The following ADAMTSL1 variants were observed in gnomAD, a reference collection of about 807,000 sequenced individuals.
The protein encoded by ADAMTSL1 is ADAMTS like 1.
A neutral mutation model predicts 201.8 loss-of-function variants in ADAMTSL1; 126 were observed. The ratio of observed to expected loss-of-function variants is 0.62; its 90% CI spans 0.54 to 0.72. The LOEUF is 0.72. ADAMTSL1 is among the 30% of genes least tolerant of loss of function. The probability of loss-of-function intolerance (pLI) is 0.00; values close to 1 mark genes in which losing one functional copy is unlikely to be tolerated. For synonymous variants in ADAMTSL1, 1,121 were observed against 903.4 expected, an observed-to-expected ratio of 1.24 and a Z score of -4.32; for missense variants, 2,679 against 2,277.8, an observed-to-expected ratio of 1.18 and a Z score of -3.59.
chr9:18,408,448 G>A (rs1357594878), intron 2 of ADAMTSL1, among the ~76,000 whole-genome samples: 1 of 152,000 alleles, frequency 6.6e-6, no homozygotes, highest in African/African-American at 2.4e-5. Context: ...TCCAGCCTGG[G>A]TGATAGAGTG....
intron 2 of ADAMTSL1, among the ~76,000 whole-genome samples, chr9:18,280,628 A>C (rs944735894): frequency 1.3e-5 from 2 of 152,100 alleles, no homozygotes; most frequent in African/African-American, 4.8e-5. Context: ...AGTTTTGTAC[A>C]TTATTTGTCA....
chr9:18,319,140 G>C (rs890775801), intron 2 of ADAMTSL1, among the ~76,000 whole-genome samples: 1 of 152,116 alleles, frequency 6.6e-6, no homozygotes, highest in African/African-American at 2.4e-5. Context: ...GAGCCCAGGA[G>C]TTCAAAGCTG....
Position 18,159,788 on chromosome 9 carries a change from G to A in ADAMTSL1, c.88-4074G>A, listed in dbSNP as rs145258654. Among the ~76,000 whole-genome samples the A allele has an allele frequency of 2.6e-3, 402 of 152,144 alleles. 3 individuals carry two copies. The highest frequency in any genetic ancestry group is 9.2e-3 in the African/African-American group (381 of 41,530). ...GTCAGGTCAGTCAAGAGAATGGTTG[G>A]TGCCAGGTTATGAACGAAGTGAGTG... is the stretch of plus-strand genomic sequence containing the variant. On this transcript the variant is annotated intron_variant, in intron 1 of 29. Coordinates refer to the ADAMTSL1 transcript ENST00000680146.
At chr9:18,180,821 T>C (rs1483782595) in intron 2 of ADAMTSL1, among the ~76,000 whole-genome samples, 1 of 152,156 alleles carries the variant, frequency 6.6e-6, no homozygotes, top group Non-Finnish European at 1.5e-5. Context: ...AGAGCCCGCA[T>C]CGCCAAGTCA....
intron 2 of ADAMTSL1, among the ~76,000 whole-genome samples, chr9:18,258,989 C>G (rs374465646): frequency 6.6e-6 from 1 of 152,294 alleles, no homozygotes; most frequent in East Asian, 1.9e-4. Flanking sequence ...ACGCACTTGA[C>G]GACTCCCTTC....
At chr9:18,792,809 C>T (rs191075894) in intron 19 of ADAMTSL1, among the ~76,000 whole-genome samples, 3 of 152,272 alleles carry the variant, frequency 2.0e-5, no homozygotes, top group Admixed American at 1.3e-4. Context: ...AACAGTCATA[C>T]TATGATCTAA....
intron 1 of ADAMTSL1, among the ~76,000 whole-genome samples, chr9:18,042,708 A>T (rs554822435): frequency 6.6e-6 from 1 of 152,214 alleles, no homozygotes; most frequent in African/African-American, 2.4e-5. Flanking sequence ...ATGGAAAGTT[A>T]TATTTTGTGG....
At position 17,975,853 on chromosome 9, in the gene ADAMTSL1, A is replaced by G. The variant is rs530216848; in HGVS notation, c.87+68931A>G. On this transcript the variant is annotated intron_variant, in intron 1 of 29. Coordinates refer to the ADAMTSL1 transcript ENST00000680146. ...TTTCTTCTTGGTGTTTTATGATTTCAGTTCTGATATTTAACTGTTTATCTA... is the reference window on the plus strand; with the variant it reads ...TTTCTTCTTGGTGTTTTATGATTTCGGTTCTGATATTTAACTGTTTATCTA... Among the ~76,000 whole-genome samples, 5 of 152,126 alleles carry G rather than the reference A, an allele frequency of 3.3e-5. No individual in the cohort carries two copies. The East Asian group carries it at 9.7e-4, about 29-fold the overall frequency.
intron 2 of ADAMTSL1, among the ~76,000 whole-genome samples, chr9:18,229,853 G>A (rs550070555): frequency 3.3e-5 from 5 of 151,976 alleles, no homozygotes; most frequent in Non-Finnish European, 5.9e-5. Flanking sequence ...CCACCAACAT[G>A]CCCGGCTAAT....
intron 1 of ADAMTSL1, among the ~76,000 whole-genome samples, chr9:17,928,236 C>T (rs1457760088): frequency 6.6e-6 from 1 of 151,986 alleles, no homozygotes; most frequent in African/African-American, 2.4e-5. Context: ...CTGCTTCAAG[C>T]GATCTACCTG....
intron 2 of ADAMTSL1, among the ~76,000 whole-genome samples, chr9:18,298,985 C>G (rs139802933): frequency 0.03 from 4,488 of 148,522 alleles, 238 homozygotes; most frequent in African/African-American, 0.11. Flanking sequence ...GCACTCCAGC[C>G]TGGGCGACAG....
chr9:18,681,936 C>G lies in ADAMTSL1; in HGVS notation c.1466C>G (p.Pro489Arg). Residue 489 changes from proline (P) to arginine (R), a missense_variant, in exon 12 of 29, where the codon CCC becomes CGC. Physicochemically the swap from Pro to Arg is moderately radical, Grantham distance 103. Transcript: ENST00000380548. ...CACATAAAAGAGGAATGCATCGTAC[C>G]CACTCCCTGCTATAAACCCAAAGGT... is the stretch of plus-strand genomic sequence containing the variant. The part of the protein sequence containing the change: ...KPHIKEECIV[P>R]TPCYKPKEKL... 1.2e-6 allele frequency: 2 copies of G among 1,614,082 alleles called. No individual in the cohort carries two copies. Among genetic ancestry groups the G allele is most frequent in the Non-Finnish European group, 1.7e-6 (2 of 1,179,986 alleles).
chr9:18,819,730 A>G (rs915430164), intron 21 of ADAMTSL1, among the ~76,000 whole-genome samples: 1 of 152,128 alleles, frequency 6.6e-6, no homozygotes, highest in Non-Finnish European at 1.5e-5. Context: ...TATCCATAAA[A>G]CCATCTGTAT....
intron 2 of ADAMTSL1, among the ~76,000 whole-genome samples, chr9:18,203,956 T>C (rs539779300): frequency 6.6e-6 from 1 of 152,166 alleles, no homozygotes; most frequent in African/African-American, 2.4e-5. Flanking sequence ...GAAACACAGG[T>C]AATTTACTGG....
chr9:18,840,298 T>C (rs1440875831), intron 23 of ADAMTSL1, among the ~76,000 whole-genome samples: 1 of 152,104 alleles, frequency 6.6e-6, no homozygotes, highest in Non-Finnish European at 1.5e-5. Context: ...AGGGAATCCT[T>C]TCCCCATTGC....
At chr9:18,816,902 A>G (rs1013570986) in intron 20 of ADAMTSL1, among the ~76,000 whole-genome samples, 2 of 152,104 alleles carry the variant, frequency 1.3e-5, no homozygotes, top group Admixed American at 1.3e-4. Flanking sequence ...GCAAACATTT[A>G]TCATTTCTTT....
chr9:18,046,251 G>A (rs569163459), intron 1 of ADAMTSL1, among the ~76,000 whole-genome samples: 3 of 152,256 alleles, frequency 2.0e-5, no homozygotes, highest in Non-Finnish European at 4.4e-5. Flanking sequence ...AAATAAGGCA[G>A]CAAGTTGTTT....
At chr9:18,295,106 G>A (rs529104485) in intron 2 of ADAMTSL1, among the ~76,000 whole-genome samples, 1 of 152,150 alleles carries the variant, frequency 6.6e-6, no homozygotes, top group East Asian at 1.9e-4. Flanking sequence ...TCCTTAGAAA[G>A]CATCAACCTG....
At chr9:18,890,733 C>A (rs1417064417) in intron 25 of ADAMTSL1, 2 of 354,194 alleles carry the variant, frequency 5.6e-6, no homozygotes, top group Non-Finnish European at 1.1e-5. Flanking sequence ...CCCCCCCACC[C>A]CAGCTCCTGA....
Sources: gnomAD v4.1 joint callset for allele counts (sites outside exome capture counted in the v4.1 genomes callset) on GRCh38, gnomAD v4.1.1 for gene constraint, MANE v1.5 for transcripts, NCBI Gene and HGNC (gene_info 2026-07-23, HGNC 2026-07-21) for gene names.